TTLL11: variants seen among roughly 807,000 people sequenced by gnomAD.
The protein encoded by TTLL11 is tubulin tyrosine ligase like 11.
A neutral mutation model predicts 51.7 loss-of-function variants in TTLL11; 42 were observed. The ratio of observed to expected loss-of-function variants is 0.81; its 90% CI spans 0.64 to 1.05. The LOEUF (loss-of-function observed/expected upper bound fraction) is 1.05, where lower values mean the gene tolerates loss of function less well. TTLL11 is among the 50% of genes least tolerant of loss of function. The pLI is 0.00. For synonymous variants in TTLL11, 381 were observed against 383.5 expected (o/e 0.99, Z 0.08); for missense variants, 799 against 940.4 (o/e 0.85, Z 1.97).
chr9:121,886,791 T>A (rs868233298), intron 6 of TTLL11, among the ~76,000 whole-genome samples: 1 of 152,212 alleles, frequency 6.6e-6, no homozygotes, highest in Non-Finnish European at 1.5e-5. Flanking sequence ...CCTCAATAGA[T>A]GCTAGCTGAA....
At chr9:121,836,578 T>C (rs1176635351) in intron 8 of TTLL11, among the ~76,000 whole-genome samples, 2 of 152,144 alleles carry the variant, frequency 1.3e-5, no homozygotes, top group Non-Finnish European at 1.5e-5. Context: ...ACCACAGCCT[T>C]TCTCTACGAG....
At chr9:122,090,575 C>A (rs960014916) in intron 1 of TTLL11, among the ~76,000 whole-genome samples, 2 of 152,182 alleles carry the variant, frequency 1.3e-5, no homozygotes, top group Non-Finnish European at 2.9e-5. Context: ...GAAGTCCTTC[C>A]TGGGTGCCCC....
At chr9:121,839,477 C>T (rs1461750288) in intron 8 of TTLL11, among the ~76,000 whole-genome samples, 1 of 152,146 alleles carries the variant, frequency 6.6e-6, no homozygotes, top group East Asian at 1.9e-4. Context: ...CTACCCTGCC[C>T]GGCTCTGGGG....
intron 8 of TTLL11, among the ~76,000 whole-genome samples, chr9:121,824,716 C>T (rs10985405): frequency 0.29 from 43,408 of 151,926 alleles, 6,658 homozygotes; most frequent in East Asian, 0.47. Flanking sequence ...CTGGGCTCTT[C>T]GGGAAAGGTG....
chr9:121,966,639 AT>A (rs989703068), intron 6 of TTLL11, among the ~76,000 whole-genome samples: 5 of 152,142 alleles, frequency 3.3e-5, no homozygotes, highest in African/African-American at 1.2e-4. Flanking sequence ...GATTATTCTT[AT>A]TTTTTTCCCA....
At chr9:121,838,989 G>A (rs1283020039) in intron 8 of TTLL11, among the ~76,000 whole-genome samples, 2 of 152,090 alleles carry the variant, frequency 1.3e-5, no homozygotes, top group Admixed American at 6.5e-5. Context: ...CCTTCATTTC[G>A]CAGAACCTGC....
chr9:122,014,991 A>G (rs920163889), intron 3 of TTLL11, among the ~76,000 whole-genome samples: 1 of 152,220 alleles, frequency 6.6e-6, no homozygotes, highest in African/African-American at 2.4e-5. Flanking sequence ...ATATCTGAGT[A>G]CACCAGCAGT....
chr9:121,904,882 C>T (rs1456971529), intron 6 of TTLL11, among the ~76,000 whole-genome samples: 1 of 152,206 alleles, frequency 6.6e-6, no homozygotes, highest in East Asian at 1.9e-4. Flanking sequence ...GCTCATGAAA[C>T]CATGAGGCCA....
chr9:122,011,251 C>T (rs141093794), intron 3 of TTLL11, among the ~76,000 whole-genome samples: 134 of 152,220 alleles, frequency 8.8e-4, no homozygotes, highest in Non-Finnish European at 1.6e-3. Flanking sequence ...GTCCATTAAA[C>T]CTCTTTTTCT....
chr9:121,870,360 C>G, intron 7 of TTLL11, 137 bp downstream of exon 7: 4 of 1,150,022 alleles, frequency 3.5e-6, no homozygotes, highest in Non-Finnish European at 4.8e-6. Context: ...AGCCACTAGG[C>G]TAATCCAAGC....
Position 122,080,567 on chromosome 9 carries a change from C to A in TTLL11, c.462+12120G>T, listed in dbSNP as rs955018959. ...AAATTAGCTGGCATGGGGGCGCACACCTTTAGTCCTAGCTAGTTTGGAGGC... is the reference window on the plus strand; with the variant it reads ...AAATTAGCTGGCATGGGGGCGCACAACTTTAGTCCTAGCTAGTTTGGAGGC... On this transcript the variant is annotated intron_variant, in intron 1 of 8. Coordinates refer to ENST00000321582, the MANE Select transcript of TTLL11 (RefSeq NM_001139442.2). 1.3e-5 allele frequency among the ~76,000 whole-genome samples: 2 copies of A among 152,032 alleles called. 1 individual carries two copies. Among genetic ancestry groups the A allele is most frequent in the South Asian group, 4.2e-4 (2 of 4,806 alleles).
At position 121,942,738 on chromosome 9, in the gene TTLL11, ATTTTTTTTTTT is replaced by A. The variant is rs34352222; in HGVS notation, c.1481+31260_1481+31270del. Among the ~76,000 whole-genome samples the A allele has an allele frequency of 1.2e-4, 12 of 97,906 alleles. No individual in the cohort carries two copies. The South Asian group carries it at 2.1e-3, about 18-fold the overall frequency. The allele number at this position is 97,906 out of a possible 152,430, so 64.2% of individuals were successfully genotyped here. ...CCTCCTCACGTTTCTAATCTGTCTT[ATTTTTTTTTTT>A]TTTTTTTTTTTTGCCTGAATATAGC... On this transcript the variant is annotated intron_variant, in intron 6 of 8. Coordinates refer to ENST00000321582, the MANE Select transcript of TTLL11 (RefSeq NM_001139442.2).
At chr9:122,051,767 A>C (rs182347794) in intron 1 of TTLL11, among the ~76,000 whole-genome samples, 5 of 152,012 alleles carry the variant, frequency 3.3e-5, no homozygotes, top group African/African-American at 1.2e-4. Flanking sequence ...CTGAGTAATA[A>C]ATTTCTTCTG....
At chr9:122,058,945 G>A (rs889560333) in intron 1 of TTLL11, among the ~76,000 whole-genome samples, 2 of 152,144 alleles carry the variant, frequency 1.3e-5, no homozygotes, top group East Asian at 1.9e-4. Flanking sequence ...ATCAGCTGGC[G>A]TGGTCTATTA....
chr9:122,044,490 T>C (rs1181029314), intron 1 of TTLL11, among the ~76,000 whole-genome samples: 2 of 152,232 alleles, frequency 1.3e-5, no homozygotes, highest in South Asian at 2.1e-4. Flanking sequence ...ATAAAAGTGT[T>C]CCTATTTCTC....
At chr9:121,837,973 C>T (rs1369730114) in intron 8 of TTLL11, among the ~76,000 whole-genome samples, 2 of 152,146 alleles carry the variant, frequency 1.3e-5, no homozygotes, top group Admixed American at 1.3e-4. Context: ...CTTCTGTCTG[C>T]TTTTCCTTGC....
intron 8 of TTLL11, among the ~76,000 whole-genome samples, chr9:121,835,835 C>T (rs939385663): frequency 6.6e-6 from 1 of 152,208 alleles, no homozygotes; most frequent in African/African-American, 2.4e-5. Context: ...CTAGTCACTG[C>T]TTCCTGCAAC....
chr9:121,839,851 C>T (rs1837297690), intron 8 of TTLL11, among the ~76,000 whole-genome samples: 1 of 152,186 alleles, frequency 6.6e-6, no homozygotes, highest in African/African-American at 2.4e-5. Context: ...GGACTGAGCC[C>T]TATCCTCAAG....
intron 8 of TTLL11, among the ~76,000 whole-genome samples, chr9:121,850,030 A>G (rs1837622391): frequency 1.3e-5 from 2 of 151,738 alleles, no homozygotes; most frequent in South Asian, 4.2e-4. Flanking sequence ...GTTACACTGT[A>G]TTTTTTATTT....
Sources: allele counts gnomAD v4.1 joint callset (sites outside exome capture counted in the v4.1 genomes callset), GRCh38; gene constraint gnomAD v4.1.1; transcripts MANE v1.5; gene names NCBI Gene and HGNC (gene_info 2026-07-23, HGNC 2026-07-21).